The following STAU2 variants were observed in gnomAD, a reference collection of about 807,000 sequenced individuals.
STAU2 encodes the protein staufen double-stranded RNA binding protein 2.
STAU2 carries 20 observed loss-of-function variants against 65.9 expected under a neutral mutation model. The observed-to-expected ratio is 0.30, with a 90% CI of 0.21 to 0.44. STAU2 has a LOEUF of 0.44. Among genes scored for constraint, STAU2 ranks in the 20% least tolerant of loss-of-function variants. The pLI is 1.00. For missense variants in STAU2, 558 were observed against 683.9 expected (o/e 0.82, Z 2.05); for synonymous variants, 232 against 233.9 (o/e 0.99, Z 0.07).
intron 2 of STAU2, 89 bp from the exon 3 acceptor site, chr8:73,738,438 A>T (rs1354768768): frequency 1.1e-6 from 1 of 893,158 alleles, no homozygotes; most frequent in Non-Finnish European, 1.7e-6. Context: ...ATCAAAATCA[A>T]ATATAAAATG....
chr8:73,623,157 T>G (rs888727786), intron 6 of STAU2, among the ~76,000 whole-genome samples: 2 of 152,200 alleles, frequency 1.3e-5, no homozygotes, highest in African/African-American at 4.8e-5. Context: ...TATATCTGAC[T>G]GTTAGTTGTA....
rs956502687 is a variant in STAU2, at chr8:73,465,501, A to C, written c.1531-42799T>G. ...TCTTAATTATGTCTTCAAACTAATT[A>C]TCTCTTTCTAACTAGGCTTGGGTGG... is the stretch of plus-strand genomic sequence containing the variant. On this transcript the variant is annotated intron_variant, in intron 13 of 14. Transcript: ENST00000524300. 2.0e-5 allele frequency among the ~76,000 whole-genome samples: 3 copies of C among 152,346 alleles called. No individual in the cohort carries two copies. The East Asian group carries it at 5.8e-4, about 29-fold the overall frequency.
intron 6 of STAU2, among the ~76,000 whole-genome samples, chr8:73,627,208 C>CGGGGGGGGGGGGGGG: frequency 4.4e-4 from 1 of 2,266 alleles, no homozygotes; most frequent in African/African-American, 5.7e-4. Context: ...AGGAATACGG[C>CGGGGGGGGGGGGGGG]GGGGGGGGGG....
chr8:73,741,692 T>C (rs924936963), intron 1 of STAU2, among the ~76,000 whole-genome samples: 4 of 152,042 alleles, frequency 2.6e-5, no homozygotes, highest in African/African-American at 9.7e-5. Context: ...TTTGTATTTT[T>C]TGTAGAGACG....
intron 3 of STAU2, among the ~76,000 whole-genome samples, chr8:73,719,223 G>A (rs1208216764): frequency 2.0e-5 from 3 of 152,146 alleles, no homozygotes; most frequent in African/African-American, 7.2e-5. Flanking sequence ...CCAACCTGGT[G>A]AAACCCCGTC....
intron 13 of STAU2, among the ~76,000 whole-genome samples, chr8:73,445,579 C>T (rs895968042): frequency 2.0e-5 from 3 of 151,858 alleles, no homozygotes; most frequent in Non-Finnish European, 4.4e-5. Context: ...TGACAAGCTA[C>T]AACAGGGAGG....
chr8:73,688,379 T>G (rs1819091291), intron 5 of STAU2, among the ~76,000 whole-genome samples: 1 of 151,486 alleles, frequency 6.6e-6, no homozygotes, highest in African/African-American at 2.4e-5. Context: ...TTGGCCAGGA[T>G]GGTCTCGAAC....
rs1491524040 is a variant in STAU2 at position 73,515,774 on chromosome 8, T to TC, written c.1530+36237_1530+36238insG. ...TCTCCCTGTGCTGAAAAAATTTCTC[T>TC]TTTTTTTTTTTTTTTTTTTTTTTTT... On this transcript the variant is annotated intron_variant, in intron 13 of 14. Coordinates refer to ENST00000524300, the MANE Select transcript of STAU2 (RefSeq NM_001164380.2). Among the ~76,000 whole-genome samples the TC allele has an allele frequency of 1.5e-3, 7 of 4,704 alleles. No individual in the cohort carries two copies. The East Asian group carries it at 0.045, about 31-fold the overall frequency. The allele number at this position is 4,704 out of a possible 152,430, so 3.1% of individuals were successfully genotyped here.
chr8:73,574,959 C>T (rs1809415495), intron 12 of STAU2, among the ~76,000 whole-genome samples: 1 of 151,032 alleles, frequency 6.6e-6, no homozygotes, highest in Non-Finnish European at 1.5e-5. Flanking sequence ...TTTTTAATTT[C>T]AGAGTCGGAA....
At chr8:73,602,347 C>T (rs1239798940) in intron 10 of STAU2, among the ~76,000 whole-genome samples, 4 of 152,130 alleles carry the variant, frequency 2.6e-5, no homozygotes, top group African/African-American at 9.7e-5. Context: ...TTGATTTTAT[C>T]TAAGTTACAT....
Position 73,432,010 on chromosome 8 carries a change from T to C in STAU2, c.1531-9308A>G, listed in dbSNP as rs566811686. Among the ~76,000 whole-genome samples the C allele has an allele frequency of 1.5e-4, 23 of 152,370 alleles. No individual in the cohort carries two copies. In the South Asian group the frequency reaches 4.6e-3, roughly 30 times the overall value. On this transcript the variant is annotated intron_variant, in intron 13 of 14. Coordinates refer to ENST00000524300, the MANE Select transcript of STAU2 (RefSeq NM_001164380.2). Reference sequence around the variant, plus strand: ...TAGTTCTTTGTGGAGTCTTTGAGCATTGATGTCCAATGGATCTTTTTATTT... The same window carrying C: ...TAGTTCTTTGTGGAGTCTTTGAGCACTGATGTCCAATGGATCTTTTTATTT...
Position 73,721,956 on chromosome 8 carries a change from C to T in STAU2, c.-17-12794G>A, listed in dbSNP as rs568455429. 4.6e-5 allele frequency among the ~76,000 whole-genome samples: 7 copies of T among 152,080 alleles called. No individual in the cohort carries two copies. In the East Asian group the frequency reaches 7.7e-4, roughly 17 times the overall value. ...CTTGCTATTTATTTTATATTTTTCCCATTTGGTGTTTGTTCCTTTTTTCTT... is the reference window on the plus strand; with the variant it reads ...CTTGCTATTTATTTTATATTTTTCCTATTTGGTGTTTGTTCCTTTTTTCTT... On this transcript the variant is annotated intron_variant, in intron 3 of 14. Coordinates refer to ENST00000524300, the MANE Select transcript of STAU2 (RefSeq NM_001164380.2).
At chr8:73,713,794 T>C (rs186497122) in intron 3 of STAU2, among the ~76,000 whole-genome samples, 1 of 152,338 alleles carries the variant, frequency 6.6e-6, no homozygotes, top group Admixed American at 6.5e-5. Flanking sequence ...AGTAGCTATA[T>C]TCCAGCCAGA....
intron 6 of STAU2, 176 bp downstream of exon 6, chr8:73,672,931 T>C: frequency 2.0e-6 from 1 of 499,750 alleles, no homozygotes; most frequent in Non-Finnish European, 3.1e-6. Context: ...TCCTGAAAAC[T>C]GGGTTTCTTT....
intron 12 of STAU2, among the ~76,000 whole-genome samples, chr8:73,575,784 A>G (rs925815496): frequency 7.0e-6 from 1 of 143,680 alleles, no homozygotes; most frequent in Non-Finnish European, 1.5e-5. Context: ...ACATATGTAT[A>G]TAAATCATAT....
At chr8:73,488,938 T>G (rs540128676) in intron 13 of STAU2, among the ~76,000 whole-genome samples, 3 of 152,008 alleles carry the variant, frequency 2.0e-5, no homozygotes, top group Non-Finnish European at 2.9e-5. Context: ...TTTATTTCTT[T>G]TCTGAATAAC....
intron 6 of STAU2, among the ~76,000 whole-genome samples, chr8:73,637,752 AG>A (rs1814656738): frequency 6.6e-6 from 1 of 151,990 alleles, no homozygotes; most frequent in African/African-American, 2.4e-5. Context: ...AAACAAAAAA[AG>A]GGAAATGATA....
At chr8:73,562,640 T>C (rs1808313165) in intron 12 of STAU2, among the ~76,000 whole-genome samples, 1 of 152,204 alleles carries the variant, frequency 6.6e-6, no homozygotes, top group Non-Finnish European at 1.5e-5. Flanking sequence ...AAGCACAGCC[T>C]TAGGATGAAA....
At chr8:73,665,903 C>G (rs900549877) in intron 6 of STAU2, among the ~76,000 whole-genome samples, 4 of 152,122 alleles carry the variant, frequency 2.6e-5, no homozygotes, top group African/African-American at 9.7e-5. Context: ...TAAGTCATCT[C>G]TAGATTACTT....
Sources: allele counts gnomAD v4.1 joint callset (sites outside exome capture counted in the v4.1 genomes callset), GRCh38; gene constraint gnomAD v4.1.1; transcripts MANE v1.5; gene names NCBI Gene and HGNC (gene_info 2026-07-23, HGNC 2026-07-21).